Variants in ASTN2 observed in about 807,000 individuals in gnomAD.
ASTN2 encodes the protein astrotactin 2, also known as astrotactin-2.
Under a neutral mutation model 139.8 loss-of-function variants are expected in ASTN2, and 54 were observed. That is an observed-to-expected ratio of 0.39 (90% confidence interval 0.31 to 0.48). The LOEUF is 0.48. Among genes scored for constraint, ASTN2 ranks in the 20% least tolerant of loss-of-function variants. The pLI, the probability that ASTN2 is intolerant of heterozygous loss-of-function variation, is 0.95. For missense variants in ASTN2, 1,565 were observed against 1,725.1 expected (o/e 0.91, Z 1.64); for synonymous variants, 756 against 719.5 (o/e 1.05, Z -0.81).
At chr9:116,812,263 A>C (rs1266390833) in intron 12 of ASTN2, among the ~76,000 whole-genome samples, 1 of 152,204 alleles carries the variant, frequency 6.6e-6, no homozygotes, top group Non-Finnish European at 1.5e-5. Flanking sequence ...GACATGGCAA[A>C]GGAGACTTTG....
intron 3 of ASTN2, among the ~76,000 whole-genome samples, chr9:117,156,054 A>C (rs1830425889): frequency 6.6e-6 from 1 of 152,058 alleles, no homozygotes; most frequent in Non-Finnish European, 1.5e-5. Flanking sequence ...TGGTATCATG[A>C]GGAACTACAA....
chr9:117,102,883 C>T (rs1481135636), intron 4 of ASTN2, among the ~76,000 whole-genome samples: 1 of 147,794 alleles, frequency 6.8e-6, no homozygotes, highest in Non-Finnish European at 1.5e-5. Flanking sequence ...AAGAAACCAA[C>T]TTTTTTTTTT....
Position 117,060,525 on chromosome 9 carries a change from GGAAGGAAGGAAA to G in ASTN2, c.1277-20572_1277-20561del, listed in dbSNP as rs1361172096. 2.5e-4 allele frequency among the ~76,000 whole-genome samples: 31 copies of G among 125,646 alleles called. 2 individuals carry two copies. The highest frequency in any genetic ancestry group is 1.0e-3 in the African/African-American group (31 of 30,976). The allele number at this position is 125,646 out of a possible 152,430, so 82.4% of individuals were successfully genotyped here. On this transcript the variant is annotated intron_variant, in intron 5 of 22. Transcript: ENST00000313400. ...AGAAAGAAAGAAAGGAAGGAAGGAA[GGAAGGAAGGAAA>G]GAAAGAAAGAAAGAAAAAGAAAGAA...
chr9:116,893,153 G>A (rs544789132), intron 10 of ASTN2, among the ~76,000 whole-genome samples: 1 of 119,694 alleles, frequency 8.4e-6, no homozygotes, highest in Non-Finnish European at 1.7e-5. Context: ...ATCTACTAAA[G>A]GTGTATCACA....
At chr9:116,999,458 T>A (rs991186784) in intron 7 of ASTN2, among the ~76,000 whole-genome samples, 1 of 151,708 alleles carries the variant, frequency 6.6e-6, no homozygotes, top group Non-Finnish European at 1.5e-5. Flanking sequence ...CAAGGTCGAC[T>A]GGCAAATTTG....
intron 19 of ASTN2, among the ~76,000 whole-genome samples, chr9:116,531,522 C>G (rs1299506235): frequency 7.3e-6 from 1 of 137,116 alleles, no homozygotes; most frequent in Non-Finnish European, 1.6e-5. Flanking sequence ...CCCCTCCCCC[C>G]ACCCCACGAC....
intron 15 of ASTN2, among the ~76,000 whole-genome samples, chr9:116,726,376 G>C (rs80056563): frequency 1.3e-5 from 2 of 152,124 alleles, no homozygotes; most frequent in East Asian, 3.9e-4. Flanking sequence ...ATTGTATAAT[G>C]AGCAAGTCAA....
intron 19 of ASTN2, among the ~76,000 whole-genome samples, chr9:116,516,567 T>G (rs944399776): frequency 2.4e-4 from 36 of 152,220 alleles, no homozygotes; most frequent in African/African-American, 8.7e-4. Context: ...TTGTGAACTT[T>G]TGCTCCAAGA....
intron 3 of ASTN2, among the ~76,000 whole-genome samples, chr9:117,162,100 A>G (rs1588030210): frequency 1.3e-5 from 2 of 152,214 alleles, no homozygotes; most frequent in Middle Eastern, 3.4e-3. Context: ...GAGGTAGATC[A>G]CCCAATAGAT....
intron 2 of ASTN2, among the ~76,000 whole-genome samples, chr9:117,273,536 T>A (rs1015734108): frequency 1.3e-5 from 2 of 151,980 alleles, no homozygotes; most frequent in Non-Finnish European, 2.9e-5. Flanking sequence ...TAAAAAAGAC[T>A]CAGGATATGG....
At chr9:117,089,122 GCTTATT>G (rs1368797920) in intron 5 of ASTN2, among the ~76,000 whole-genome samples, 1 of 152,222 alleles carries the variant, frequency 6.6e-6, no homozygotes, top group Non-Finnish European at 1.5e-5. Context: ...TATTAGGGTT[GCTTATT>G]CCACACATAC....
intron 1 of ASTN2, among the ~76,000 whole-genome samples, chr9:117,353,931 A>ATT (rs1317999209): frequency 1.3e-5 from 2 of 152,180 alleles, no homozygotes; most frequent in Non-Finnish European, 2.9e-5. Flanking sequence ...AGCACAGAGG[A>ATT]TTTTTAGGGC....
At chr9:117,208,894 G>C (rs1832026096) in intron 3 of ASTN2, among the ~76,000 whole-genome samples, 1 of 151,824 alleles carries the variant, frequency 6.6e-6, no homozygotes, top group Non-Finnish European at 1.5e-5. Context: ...CAGAAATGAA[G>C]AAGAAATAAA....
chr9:116,481,868 G>A (rs1849179917), intron 20 of ASTN2, among the ~76,000 whole-genome samples: 1 of 152,162 alleles, frequency 6.6e-6, no homozygotes, highest in South Asian at 2.1e-4. Context: ...CTCACCAGGT[G>A]CTTTGAACAG....
chr9:116,880,317 C>G (rs1014435420), intron 10 of ASTN2, among the ~76,000 whole-genome samples: 4 of 152,146 alleles, frequency 2.6e-5, no homozygotes, highest in Non-Finnish European at 5.9e-5. Flanking sequence ...GAGCTGCTGC[C>G]AACAATGACA....
At chr9:117,360,709 A>T (rs974969154) in intron 1 of ASTN2, among the ~76,000 whole-genome samples, 4 of 152,104 alleles carry the variant, frequency 2.6e-5, no homozygotes, top group Admixed American at 6.5e-5. Context: ...AGCCAACCTG[A>T]TTTCAAGGCC....
chr9:116,862,084 A>G (rs1832898028), intron 11 of ASTN2, among the ~76,000 whole-genome samples: 1 of 150,706 alleles, frequency 6.6e-6, no homozygotes, highest in Admixed American at 6.7e-5. Flanking sequence ...CTGAAGAGCT[A>G]TTAATCTTTG....
At chr9:117,400,336 C>A (rs568112902) in intron 1 of ASTN2, among the ~76,000 whole-genome samples, 4 of 152,348 alleles carry the variant, frequency 2.6e-5, no homozygotes, top group African/African-American at 4.8e-5. Flanking sequence ...AGTCTTTCCA[C>A]CTGCTGTCCT....
intron 22 of ASTN2, 22 bp downstream of exon 22, chr9:116,440,587 A>G (rs1847810710): frequency 6.2e-7 from 1 of 1,610,130 alleles, no homozygotes; most frequent in East Asian, 2.2e-5. Flanking sequence ...ATGCCCCTCC[A>G]ATCACACAAA....
Sources: gnomAD v4.1 joint callset for allele counts (sites outside exome capture counted in the v4.1 genomes callset) on GRCh38, gnomAD v4.1.1 for gene constraint, MANE v1.5 for transcripts, NCBI Gene and HGNC (gene_info 2026-07-23, HGNC 2026-07-21) for gene names.